Variants in N4BP2L2 observed in about 807,000 individuals in gnomAD.
N4BP2L2 encodes the protein NEDD4-binding protein 2-like 2.
N4BP2L2 carries 50 observed loss-of-function variants against 56.2 expected under a neutral mutation model. The ratio of observed to expected loss-of-function variants is 0.89; its 90% CI spans 0.71 to 1.13. The LOEUF is 1.13. N4BP2L2 is among the 50% of genes most tolerant of loss of function. The pLI is 0.00. For synonymous variants in N4BP2L2, 203 were observed against 223.6 expected, an observed-to-expected ratio of 0.91 and a Z score of 0.82; for missense variants, 689 against 693.8, an observed-to-expected ratio of 0.99 and a Z score of 0.08.
rs570192515 is a variant in N4BP2L2, at chr13:32,441,672, G to A, written c.2104+716C>T. Among the ~76,000 whole-genome samples, 82 of 148,912 alleles carry A rather than the reference G, an allele frequency of 5.5e-4. 1 individual carries two copies. The South Asian group carries it at 8.7e-3, about 16-fold the overall frequency. ...GCACTCCAGCCTGGGCGACAAGAGC[G>A]AAACTCCCTCTCAAAAACATAAATA... On this transcript the variant is annotated intron_variant, in intron 7 of 9. Coordinates refer to the N4BP2L2 transcript ENST00000357505.
At position 32,500,723 on chromosome 13, in the gene N4BP2L2, A is replaced by G. The variant is rs529425731; in HGVS notation, c.365+17134T>C. On this transcript the variant is annotated intron_variant, in intron 6 of 9. Coordinates refer to the N4BP2L2 transcript ENST00000357505. ...ACAGACGGAAACCGTGTCTCAAAAA[A>G]AAAAAAAGTACTATTATTCTTAAAA... Among the ~76,000 whole-genome samples, 14 of 151,968 alleles carry G rather than the reference A, an allele frequency of 9.2e-5. No homozygotes were observed. In the South Asian group the frequency reaches 2.9e-3, roughly 32 times the overall value.
chr13:32,445,212 T>C (rs889015732), intron 6 of N4BP2L2, among the ~76,000 whole-genome samples: 2 of 151,882 alleles, frequency 1.3e-5, no homozygotes, highest in African/African-American at 2.4e-5. Flanking sequence ...GATTGTGCCA[T>C]TGCACTCCAG....
At chr13:32,509,897 A>C (rs1174221903), downstream of N4BP2L2, among the ~76,000 whole-genome samples, 1 of 152,226 alleles carries the variant, frequency 6.6e-6, no homozygotes, top group Non-Finnish European at 1.5e-5. Context: ...AATTAAGAGA[A>C]ACCAAACAAG....
exon 2 of N4BP2L2, chr13:32,536,447 T>A: frequency 1.2e-6 from 2 of 1,613,386 alleles, no homozygotes; most frequent in Non-Finnish European, 1.7e-6. Context: ...TTCAGATTCT[T>A]TACAACTGTT....
In N4BP2L2 at chr13:32,495,151, T is replaced by C. The variant is rs549392163; in HGVS notation, c.365+22706A>G. 7.2e-5 allele frequency among the ~76,000 whole-genome samples: 11 copies of C among 152,338 alleles called. No individual in the cohort carries two copies. The South Asian group carries it at 1.9e-3, about 26-fold the overall frequency. On this transcript the variant is annotated intron_variant, in intron 6 of 9. Coordinates refer to the N4BP2L2 transcript ENST00000357505. ...TTTCTTATGCACAAACTGCTATGGA[T>C]ACTCAAGAATCCATGAGTCTCAGAC...
At chr13:32,531,076 AGTCCT>A (rs1271121536) in intron 2 of N4BP2L2, among the ~76,000 whole-genome samples, 1 of 152,164 alleles carries the variant, frequency 6.6e-6, no homozygotes, top group Non-Finnish European at 1.5e-5. Context: ...CAAGGAACTC[AGTCCT>A]GTCAACAATC....
chr13:32,437,818 G>A (rs1473559085), intron 8 of N4BP2L2, among the ~76,000 whole-genome samples: 8 of 152,192 alleles, frequency 5.3e-5, no homozygotes, highest in Non-Finnish European at 8.8e-5. Flanking sequence ...CCTTATACCT[G>A]TATATTCCTC....
Position 32,438,205 on chromosome 13 carries a change from C to G in N4BP2L2, c.2190+447G>C, listed in dbSNP as rs182020965. On this transcript the variant is annotated intron_variant, in intron 8 of 9. Coordinates refer to the N4BP2L2 transcript ENST00000357505. The stretch of plus-strand genomic sequence containing the variant: ...TTAACTATAGTTAACTATAATCACC[C>G]TGCTGTGCAATGAACACCATAGCTT... Among the ~76,000 whole-genome samples, 377 of 152,228 alleles carry G rather than the reference C, an allele frequency of 2.5e-3. 4 individuals are homozygous for G. The highest frequency in any genetic ancestry group is 4.7e-3 in the Admixed American group (72 of 15,292).
rs373467771 is a variant in N4BP2L2 at position 32,443,933 on chromosome 13, C to T, written c.559G>A (p.Glu187Lys). Residue 187 changes from glutamate to lysine, a missense_variant, in exon 7 of 10, where the codon GAA becomes AAA. Glu to Lys is a moderately conservative substitution (Grantham distance 56). Coordinates refer to the N4BP2L2 transcript ENST00000357505. ...CCATCAATGAAGGGATATTCTGATT[C>T]TCTTCTGGTCTTTTCAATGTCTTCC... 14 of 1,589,854 alleles carry T rather than the reference C, an allele frequency of 8.8e-6. No individual in the cohort carries two copies. In the African/African-American group the frequency reaches 1.5e-4, roughly 17 times the overall value.
At chr13:32,444,388 G>A (rs146758871) in intron 6 of N4BP2L2, among the ~76,000 whole-genome samples, 95 of 152,014 alleles carry the variant, frequency 6.2e-4, no homozygotes, top group African/African-American at 2.1e-3. Flanking sequence ...CCTCATCCTC[G>A]CAAGTAGCTG....
intron 6 of N4BP2L2, among the ~76,000 whole-genome samples, chr13:32,500,701 G>C (rs1225421412): frequency 6.7e-6 from 1 of 149,908 alleles, no homozygotes; most frequent in Non-Finnish European, 1.5e-5. Context: ...CTGGGTGACA[G>C]ACGGAAACCG....
chr13:32,467,599 G>A (rs948613404), intron 6 of N4BP2L2, among the ~76,000 whole-genome samples: 2 of 151,126 alleles, frequency 1.3e-5, no homozygotes, highest in African/African-American at 4.9e-5. Context: ...CTATTCTAGA[G>A]ACAAAAGAAT....
chr13:32,499,665 A>G (rs1310957637), intron 6 of N4BP2L2, among the ~76,000 whole-genome samples: 1 of 152,206 alleles, frequency 6.6e-6, no homozygotes, highest in African/African-American at 2.4e-5. Flanking sequence ...ACCTTGGCTA[A>G]GCACACACAA....
At chr13:32,536,310 C>G in exon 2 of N4BP2L2, 1 of 1,613,704 alleles carries the variant, frequency 6.2e-7, no homozygotes. Context: ...GGCTCATTCC[C>G]CAAGTTCTGC....
intron 6 of N4BP2L2, among the ~76,000 whole-genome samples, chr13:32,468,275 A>G (rs1048777139): frequency 1.4e-4 from 21 of 151,996 alleles, no homozygotes; most frequent in African/African-American, 5.1e-4. Context: ...AGACAAAAAA[A>G]AAAAAAGAAA....
At chr13:32,450,792 C>A (rs373390078) in intron 6 of N4BP2L2, among the ~76,000 whole-genome samples, 16 of 152,030 alleles carry the variant, frequency 1.1e-4, no homozygotes, top group African/African-American at 3.6e-4. Flanking sequence ...CCATGCCTGG[C>A]TCTTTTTCTT....
chr13:32,477,189 A>T, intron 6 of N4BP2L2: 1 of 487,022 alleles, frequency 2.1e-6, no homozygotes. Context: ...CTCCTTGGGC[A>T]GTCAGAAGGT....
chr13:32,517,996 T>C (rs771245969), exon 6 of N4BP2L2: 3 of 1,612,828 alleles, frequency 1.9e-6, no homozygotes, highest in South Asian at 2.2e-5. Context: ...ACACCATGTT[T>C]ATTCCTCCTA....
At chr13:32,442,764 G>A (rs772416706) in exon 7 of N4BP2L2, 12 of 1,613,280 alleles carry the variant, frequency 7.4e-6, no homozygotes, top group Non-Finnish European at 1.0e-5. Context: ...TATAATTTTT[G>A]TATAAAGATG....
Sources: gnomAD v4.1 joint callset for allele counts (sites outside exome capture counted in the v4.1 genomes callset) on GRCh38, gnomAD v4.1.1 for gene constraint, MANE v1.5 for transcripts, NCBI Gene and HGNC (gene_info 2026-07-23, HGNC 2026-07-21) for gene names.